Variants in GABBR2 observed in about 807,000 individuals in gnomAD.
The protein encoded by GABBR2 is G-protein coupled receptor 51.
Under a neutral mutation model 105.6 loss-of-function variants are expected in GABBR2, and 23 were observed. That is an observed-to-expected ratio of 0.22 (90% CI 0.16 to 0.31). GABBR2 has a LOEUF of 0.31. Among genes scored for constraint, GABBR2 ranks in the 10% least tolerant of loss-of-function variants. The probability of loss-of-function intolerance (pLI) is 1.00; values close to 1 mark genes in which losing one functional copy is unlikely to be tolerated. For synonymous variants in GABBR2, 478 were observed against 499.7 expected, an observed-to-expected ratio of 0.96 and a Z score of 0.58; for missense variants, 734 against 1,245.5, an observed-to-expected ratio of 0.59 and a Z score of 6.18.
At chr9:98,396,723 G>A (rs969288986) in intron 8 of GABBR2, among the ~76,000 whole-genome samples, 5 of 152,278 alleles carry the variant, frequency 3.3e-5, no homozygotes, top group African/African-American at 2.4e-5. Flanking sequence ...GGGAGGCAGC[G>A]CATGAAATAT....
chr9:98,578,352 C>G (rs1012841293), intron 1 of GABBR2, among the ~76,000 whole-genome samples: 2 of 152,096 alleles, frequency 1.3e-5, no homozygotes, highest in African/African-American at 2.4e-5. Flanking sequence ...TAGGAAAAGT[C>G]CCATAATGCC....
intron 1 of GABBR2, among the ~76,000 whole-genome samples, chr9:98,585,790 C>T (rs143355752): frequency 0.025 from 2,173 of 88,024 alleles, 825 homozygotes; most frequent in African/African-American, 0.087. Flanking sequence ...CTCCAAAATC[C>T]AAAACTTTTT....
intron 1 of GABBR2, among the ~76,000 whole-genome samples, chr9:98,704,638 G>A (rs926331370): frequency 2.0e-5 from 3 of 152,102 alleles, no homozygotes; most frequent in African/African-American, 7.2e-5. Flanking sequence ...AATGACAACT[G>A]GAAGGGAATG....
At chr9:98,656,426 A>T (rs1489525879) in intron 1 of GABBR2, among the ~76,000 whole-genome samples, 13 of 88,086 alleles carry the variant, frequency 1.5e-4, no homozygotes, top group Non-Finnish European at 2.7e-5. Context: ...TTGCTGTCTT[A>T]TTATAAAAAG....
intron 1 of GABBR2, among the ~76,000 whole-genome samples, chr9:98,687,861 G>A (rs1380839696): frequency 2.0e-5 from 3 of 152,204 alleles, no homozygotes; most frequent in Admixed American, 1.3e-4. Context: ...AGGAAGGAGG[G>A]TGAAGGGGAG....
chr9:98,473,229 T>A lies in GABBR2; in HGVS notation c.916A>T (p.Asn306Tyr), dbSNP rs763430533. The A allele has an allele frequency of 8.1e-6, 13 of 1,613,740 alleles. No individual in the cohort carries two copies. In the South Asian group the frequency reaches 1.4e-4, roughly 18 times the overall value. ...EANSSRCLRK[N>Y]LLAAMEGYIG... ...TAGCCCTCCATGGCAGCAAGCAGATTCTTCCGGAGGCAGCGGGATGAGTTG... is the reference window on the plus strand; with the variant it reads ...TAGCCCTCCATGGCAGCAAGCAGATACTTCCGGAGGCAGCGGGATGAGTTG... Residue 306 changes from asparagine (N) to tyrosine (Y), a missense_variant, in exon 6 of 19, where the codon AAT becomes TAT. Around this residue, in one of 7 missense-constraint regions of GABBR2, gnomAD observed 370 missense variants for 648.9 expected, o/e 0.57. Transcript: ENST00000259455.
intron 1 of GABBR2, among the ~76,000 whole-genome samples, chr9:98,676,806 T>C (rs1405146820): frequency 1.3e-5 from 2 of 152,252 alleles, no homozygotes; most frequent in African/African-American, 4.8e-5. Flanking sequence ...CTGAAGCCGC[T>C]GTATTTTTGA....
At chr9:98,657,341 C>T (rs1363065965) in intron 1 of GABBR2, among the ~76,000 whole-genome samples, 2 of 152,142 alleles carry the variant, frequency 1.3e-5, no homozygotes, top group African/African-American at 2.4e-5. Context: ...GAAGACTGTA[C>T]GTTTTCAAGA....
At chr9:98,567,775 C>T (rs1828771996) in intron 2 of GABBR2, among the ~76,000 whole-genome samples, 1 of 152,206 alleles carries the variant, frequency 6.6e-6, no homozygotes, top group Non-Finnish European at 1.5e-5. Flanking sequence ...TAAGTTCCCT[C>T]TGTCAGTGAG....
chr9:98,469,656 T>G (rs1166470942), intron 6 of GABBR2, among the ~76,000 whole-genome samples: 1 of 152,152 alleles, frequency 6.6e-6, no homozygotes, highest in Non-Finnish European at 1.5e-5. Context: ...AAAACCCCCC[T>G]TTTCCAAACA....
chr9:98,311,121 C>T lies in GABBR2; in HGVS notation c.1978G>A (p.Val660Ile), dbSNP rs753754746. 3.1e-6 allele frequency: 5 copies of T among 1,609,028 alleles called. No homozygotes were observed. The highest frequency in any genetic ancestry group is 1.3e-5 in the African/African-American group (1 of 74,790). The change falls in exon 14 of 19, where the codon GTC (valine) becomes ATC (isoleucine). Residue 660 changes from valine to isoleucine, a missense_variant. Val to Ile is a conservative substitution (Grantham distance 29). Transcript: ENST00000259455. Reference sequence around the variant, plus strand: ...ATGAGAAGTCCCTTGTAGGCATAGACGATGCCAAGCCAGATGGTCATATGG... The same window carrying T: ...ATGAGAAGTCCCTTGTAGGCATAGATGATGCCAAGCCAGATGGTCATATGG... ...NTHMTIWLGI[V>I]YAYKGLLMLF...
intron 10 of GABBR2, among the ~76,000 whole-genome samples, chr9:98,386,932 A>C (rs1469023987): frequency 6.6e-6 from 1 of 152,204 alleles, no homozygotes; most frequent in African/African-American, 2.4e-5. Context: ...CAAATCACTT[A>C]GCCTGGCTGA....
rs191789343 is a variant in GABBR2 at position 98,459,244 on chromosome 9, C to T, written c.1000-5027G>A. On this transcript the variant is annotated intron_variant, in intron 6 of 18. Coordinates refer to ENST00000259455, the MANE Select transcript of GABBR2 (RefSeq NM_005458.8). ...AAATCGCTTATATCAGACCAAAGCT[C>T]CCATCAAGAACATTTAGAAAAGCAG... Among the ~76,000 whole-genome samples, 350 of 152,224 alleles carry T rather than the reference C, an allele frequency of 2.3e-3. 1 individual carries two copies. The highest frequency in any genetic ancestry group is 8.1e-3 in the African/African-American group (337 of 41,542).
At chr9:98,599,651 A>T (rs1829295546) in intron 1 of GABBR2, among the ~76,000 whole-genome samples, 1 of 152,228 alleles carries the variant, frequency 6.6e-6, no homozygotes, top group Non-Finnish European at 1.5e-5. Context: ...CAGACACAGT[A>T]TGCAGTGGTG....
At chr9:98,564,691 A>C (rs955486068) in intron 2 of GABBR2, among the ~76,000 whole-genome samples, 1 of 152,236 alleles carries the variant, frequency 6.6e-6, no homozygotes, top group Admixed American at 6.5e-5. Flanking sequence ...AGGTGTGTCC[A>C]GTCACAATTC....
chr9:98,584,979 A>C (rs1829048374), intron 1 of GABBR2, among the ~76,000 whole-genome samples: 1 of 152,146 alleles, frequency 6.6e-6, no homozygotes, highest in Admixed American at 6.5e-5. Context: ...CAGATAGCTA[A>C]GCTCCGCAGA....
At position 98,576,207 on chromosome 9, in the gene GABBR2, T is replaced by C. The variant is rs74874647; in HGVS notation, c.459+1728A>G. On this transcript the variant is annotated intron_variant, in intron 2 of 18. Coordinates refer to ENST00000259455, the MANE Select transcript of GABBR2 (RefSeq NM_005458.8). ...CAAGTGGAATGAAACAGATCCTCTA[T>C]GTGGTCAGGCTCCTGCTCACCCTGT... Among the ~76,000 whole-genome samples, 115 of 152,338 alleles carry C rather than the reference T, an allele frequency of 7.5e-4. 1 individual carries two copies. In the East Asian group the frequency reaches 0.016, roughly 21 times the overall value.
At chr9:98,559,427 T>C (rs1828634437) in intron 2 of GABBR2, among the ~76,000 whole-genome samples, 1 of 152,172 alleles carries the variant, frequency 6.6e-6, no homozygotes, top group Non-Finnish European at 1.5e-5. Context: ...ATATGTTTAA[T>C]TTACAAACCA....
At chr9:98,389,690 A>G (rs1211588677) in intron 9 of GABBR2, among the ~76,000 whole-genome samples, 2 of 152,234 alleles carry the variant, frequency 1.3e-5, no homozygotes, top group Non-Finnish European at 2.9e-5. Context: ...CAAGAGCACA[A>G]GGAACTCGGG....
Sources: gnomAD v4.1 joint callset for allele counts (sites outside exome capture counted in the v4.1 genomes callset) on GRCh38, gnomAD v4.1.1 for gene constraint, gnomAD v4.1.1 regional missense constraint, MANE v1.5 for transcripts, NCBI Gene and HGNC (gene_info 2026-07-23, HGNC 2026-07-21) for gene names.